TMX3: variants seen among roughly 807,000 people sequenced by gnomAD.
TMX3 encodes protein disulfide-isomerase TMX3.
Under a neutral mutation model 64.4 loss-of-function variants are expected in TMX3, and 40 were observed. The observed-to-expected ratio is 0.62, with a 90% confidence interval of 0.48 to 0.81. The LOEUF is 0.81. Among genes scored for constraint, TMX3 ranks in the 30% least tolerant of loss-of-function variants. TMX3 has a pLI of 0.00. For missense variants in TMX3, 497 were observed against 534.5 expected (o/e 0.93, Z 0.69); for synonymous variants, 189 against 175.7 (o/e 1.08, Z -0.60).
intron 9 of TMX3, chr18:68,688,699 A>G: frequency 6.6e-6 from 1 of 152,352 alleles, no homozygotes; most frequent in Non-Finnish European, 1.5e-5. Flanking sequence ...AATTAGGAAA[A>G]TAAACATAAA....
In TMX3 at chr18:68,714,928, C is replaced by T; in HGVS notation, c.46+8G>A. ...CCGCCAGCGTCCCGACCGCTGAGCC[C>T]CCATTACCTGTGGCGCAGAGCCGCA... On this transcript the variant is annotated splice_region_variant and intron_variant, in intron 1 of 15. Transcript: ENST00000299608. 6.4e-7 allele frequency: 1 copy of T among 1,560,458 alleles called. No homozygotes were observed. Among genetic ancestry groups the T allele is most frequent in the Non-Finnish European group, 8.7e-7 (1 of 1,152,756 alleles).
At chr18:68,691,221 T>A (rs1914488043) in intron 9 of TMX3, 74 bp downstream of exon 9, 1 of 1,041,868 alleles carries the variant, frequency 9.6e-7, no homozygotes, top group Non-Finnish European at 1.4e-6. Context: ...ATTTACATAA[T>A]CTTTACACCT....
intron 8 of TMX3, among the ~76,000 whole-genome samples, chr18:68,692,531 T>C (rs568407869): frequency 2.2e-4 from 33 of 152,290 alleles, no homozygotes; most frequent in African/African-American, 7.9e-4. Flanking sequence ...AAATACCCGT[T>C]GTAAAGCTAA....
Position 68,676,659 on chromosome 18 carries a change from T to C in TMX3, c.*274A>G, listed in dbSNP as rs1394974282. The C allele has an allele frequency of 8.1e-6, 3 of 368,902 alleles. No individual in the cohort carries two copies. The highest frequency in any genetic ancestry group is 4.8e-5 in the East Asian group (1 of 20,802). 22.9% of individuals were successfully genotyped at this position (368,902 alleles called of 1,614,324 possible). ...AACTTTTTGTCACAGAATATTCAGA[T>C]AGAGAAACATGCAAATAGAATTGTT... is the stretch of plus-strand genomic sequence containing the variant. On this transcript the variant is annotated 3_prime_UTR_variant, in exon 16 of 16. Transcript: ENST00000299608.
intron 9 of TMX3, among the ~76,000 whole-genome samples, chr18:68,690,483 G>C (rs1298297084): frequency 3.9e-5 from 6 of 152,132 alleles, no homozygotes; most frequent in Admixed American, 3.9e-4. Context: ...TAGCCCCTGT[G>C]AGTTTGCTGC....
chr18:68,713,477 T>G (rs562846569), intron 2 of TMX3, among the ~76,000 whole-genome samples: 1 of 152,200 alleles, frequency 6.6e-6, no homozygotes, highest in Non-Finnish European at 1.5e-5. Context: ...ACACAGGAAT[T>G]TGGGTCTGAA....
intron 10 of TMX3, among the ~76,000 whole-genome samples, chr18:68,685,986 G>A (rs1164651580): frequency 1.3e-5 from 2 of 152,174 alleles, no homozygotes; most frequent in Non-Finnish European, 2.9e-5. Context: ...GGGTAAAAAT[G>A]ATAAAATAAT....
At chr18:68,699,331 C>T (rs999367652) in intron 6 of TMX3, among the ~76,000 whole-genome samples, 2 of 152,114 alleles carry the variant, frequency 1.3e-5, no homozygotes, top group African/African-American at 4.8e-5. Context: ...ATTTCTCAAA[C>T]ATAATGACTA....
At chr18:68,684,690 T>C (rs1913772024) in intron 10 of TMX3, among the ~76,000 whole-genome samples, 1 of 152,186 alleles carries the variant, frequency 6.6e-6, no homozygotes, top group Admixed American at 6.5e-5. Context: ...AGTGACAAAT[T>C]CCCTTCCACG....
At chr18:68,701,026 A>T (rs765061269) in intron 5 of TMX3, 13 of 984,840 alleles carry the variant, frequency 1.3e-5, no homozygotes, top group Non-Finnish European at 1.6e-5. Flanking sequence ...TAAAATTTTA[A>T]AAAGGAAAAA....
At chr18:68,713,646 A>G (rs2031542060) in intron 2 of TMX3, among the ~76,000 whole-genome samples, 200 bp downstream of exon 2, 1 of 152,216 alleles carries the variant, frequency 6.6e-6, no homozygotes. Flanking sequence ...AATATGTAAA[A>G]GTTTGCCACA....
chr18:68,713,061 A>G (rs939372490), intron 2 of TMX3, among the ~76,000 whole-genome samples: 2 of 151,992 alleles, frequency 1.3e-5, no homozygotes, highest in African/African-American at 4.8e-5. Context: ...TCTCCCCATG[A>G]AACAGCACCA....
At position 68,676,954 on chromosome 18, in the gene TMX3, T is replaced by A; in HGVS notation, c.1344A>T (p.Val448=). The A allele has an allele frequency of 1.2e-6, 2 of 1,612,816 alleles. No homozygotes were observed. The highest frequency in any genetic ancestry group is 1.7e-6 in the Non-Finnish European group (2 of 1,179,594). Reference sequence around the variant, plus strand: ...AGTCTCAATCTTTCTTCTTTTCTAATACATCCTTGGGCTCCTGCACTGTAG... The same window carrying A: ...AGTCTCAATCTTTCTTCTTTTCTAAAACATCCTTGGGCTCCTGCACTGTAG... ...VVPTVQEPKD[V]LEKKKD The change falls in exon 16 of 16, where the codon GTA becomes GTT. Residue 448 remains valine, a synonymous_variant. Transcript: ENST00000299608.
chr18:68,714,872 C>T, intron 1 of TMX3, 64 bp downstream of exon 1: 2 of 1,544,482 alleles, frequency 1.3e-6, no homozygotes, highest in Admixed American at 2.0e-5. Context: ...GGTCCAATCC[C>T]GGCCCCACGG....
At chr18:68,684,405 A>C in intron 11 of TMX3, 23 bp downstream of exon 11, 4 of 1,605,358 alleles carry the variant, frequency 2.5e-6, no homozygotes, top group Non-Finnish European at 3.4e-6. Context: ...TTTGAAGCTT[A>C]AAACTATATC....
chr18:68,684,577 G>C, intron 10 of TMX3, 92 bp from the exon 11 acceptor site: 1 of 1,034,984 alleles, frequency 9.7e-7, no homozygotes, highest in African/African-American at 1.6e-5. Flanking sequence ...AATTAGTAAA[G>C]TATTTCTAGA....
At chr18:68,710,249 A>T in intron 3 of TMX3, 105 bp from the exon 4 acceptor site, 1 of 1,050,188 alleles carries the variant, frequency 9.5e-7, no homozygotes, top group Non-Finnish European at 1.3e-6. Context: ...TGACTAAATG[A>T]TCTAATAATG....
chr18:68,705,881 T>C (rs1202180730), intron 4 of TMX3, among the ~76,000 whole-genome samples: 3 of 152,352 alleles, frequency 2.0e-5, no homozygotes, highest in East Asian at 3.9e-4. Context: ...CTGAGTCTGA[T>C]GGCATTTGCT....
At chr18:68,710,687 G>C (rs1026617022) in intron 3 of TMX3, among the ~76,000 whole-genome samples, 5 of 152,176 alleles carry the variant, frequency 3.3e-5, no homozygotes, top group African/African-American at 1.2e-4. Flanking sequence ...AGAATTACCA[G>C]ATGGTGGAGG....
Sources: allele counts gnomAD v4.1 joint callset (sites outside exome capture counted in the v4.1 genomes callset), GRCh38; gene constraint gnomAD v4.1.1; transcripts MANE v1.5; gene names NCBI Gene and HGNC (gene_info 2026-07-23, HGNC 2026-07-21).